TCF7L2: variants seen among roughly 807,000 people sequenced by gnomAD.
The protein encoded by TCF7L2 is transcription factor 7 like 2.
In TCF7L2, 23 loss-of-function variants were observed where a neutral mutation model predicts 77.9. That is an observed-to-expected ratio of 0.30 (90% CI 0.21 to 0.42). TCF7L2 has a LOEUF of 0.42. TCF7L2 is among the 10% of genes least tolerant of loss of function. TCF7L2 has a pLI of 1.00. For synonymous variants in TCF7L2, 413 were observed against 340.2 expected (o/e 1.21, Z -2.36); for missense variants, 654 against 793.1 (o/e 0.82, Z 2.11).
At chr10:112,983,650 A>G (rs908525220) in intron 4 of TCF7L2, among the ~76,000 whole-genome samples, 1 of 152,122 alleles carries the variant, frequency 6.6e-6, no homozygotes, top group Non-Finnish European at 1.5e-5. Context: ...ATAAGCGTGT[A>G]ACAGCCTCCA....
chr10:113,121,137 A>G (rs1234027417), intron 5 of TCF7L2, among the ~76,000 whole-genome samples: 3 of 152,342 alleles, frequency 2.0e-5, no homozygotes, highest in East Asian at 1.9e-4. Context: ...AGGAAGGGTA[A>G]TATGATTGGA....
chr10:113,074,215 A>G lies in TCF7L2; in HGVS notation c.552+34089A>G, dbSNP rs558566121. 9.9e-5 allele frequency among the ~76,000 whole-genome samples: 15 copies of G among 151,834 alleles called. No homozygotes were observed. The South Asian group carries it at 2.7e-3, about 27-fold the overall frequency. On this transcript the variant is annotated intron_variant, in intron 5 of 13. Transcript: ENST00000627217. ...CATTCTGGATTTGTGAATTAGATGG[A>G]CTCTTTATTATTTTGTATTTGGATT...
chr10:113,143,975 G>T lies in TCF7L2; in HGVS notation c.738G>T (p.Ser246=), dbSNP rs753698736. 1.2e-6 allele frequency: 2 copies of T among 1,614,002 alleles called. No individual in the cohort carries two copies. The highest frequency in any genetic ancestry group is 1.1e-5 in the South Asian group (1 of 91,074). Residue 246 remains serine, a synonymous_variant, in exon 7 of 14, where the codon TCG becomes TCT. Coordinates refer to ENST00000627217, the MANE Select transcript of TCF7L2 (RefSeq NM_001146274.2). ...ATATATCCCCGTATTACCCACTATC[G>T]CCTGGCACCGTAGGACAAATCCCCC...
At chr10:113,128,971 G>A (rs565104918) in intron 5 of TCF7L2, among the ~76,000 whole-genome samples, 2 of 151,950 alleles carry the variant, frequency 1.3e-5, no homozygotes, top group East Asian at 3.9e-4. Flanking sequence ...CTCTCTCTGT[G>A]TTCCTGGGGA....
At chr10:113,140,821 G>A (rs1348718136) in intron 5 of TCF7L2, among the ~76,000 whole-genome samples, 1 of 152,152 alleles carries the variant, frequency 6.6e-6, no homozygotes. Flanking sequence ...TGGGGTAGGA[G>A]GTCCCCACAA....
chr10:113,109,766 T>G (rs771311558), intron 5 of TCF7L2, among the ~76,000 whole-genome samples: 2 of 152,200 alleles, frequency 1.3e-5, no homozygotes, highest in Non-Finnish European at 2.9e-5. Flanking sequence ...GTTCAAGAGT[T>G]AGAAAGTGAA....
chr10:113,082,064 T>C (rs928711455), intron 5 of TCF7L2, among the ~76,000 whole-genome samples: 5 of 151,890 alleles, frequency 3.3e-5, no homozygotes, highest in Non-Finnish European at 7.4e-5. Flanking sequence ...TCTCGAACTC[T>C]TGACCTCAAG....
intron 4 of TCF7L2, among the ~76,000 whole-genome samples, chr10:113,036,372 C>T (rs568778802): frequency 7.2e-5 from 11 of 152,110 alleles, no homozygotes; most frequent in Admixed American, 5.9e-4. Flanking sequence ...CCTAAAGGAG[C>T]CTCTCCTCAT....
chr10:113,049,557 A>C (rs2054051385), intron 5 of TCF7L2, among the ~76,000 whole-genome samples: 1 of 152,032 alleles, frequency 6.6e-6, no homozygotes, highest in Non-Finnish European at 1.5e-5. Flanking sequence ...GGATGTGGCC[A>C]GAGTGTCTTT....
chr10:113,067,116 C>T (rs2057357355), intron 5 of TCF7L2, among the ~76,000 whole-genome samples: 1 of 152,192 alleles, frequency 6.6e-6, no homozygotes, highest in African/African-American at 2.4e-5. Flanking sequence ...TGCATTTCTG[C>T]TGTGAGTGGT....
At chr10:112,979,774 T>TA (rs970859998) in intron 4 of TCF7L2, among the ~76,000 whole-genome samples, 3 of 148,480 alleles carry the variant, frequency 2.0e-5, no homozygotes, top group Non-Finnish European at 4.5e-5. Context: ...ATAAAAAAAA[T>TA]AAAAAAAATA....
rs140739178 is a variant in TCF7L2, at chr10:113,016,614, G to A, written c.451-23411G>A. 1.4e-3 allele frequency among the ~76,000 whole-genome samples: 220 copies of A among 152,148 alleles called. 6 individuals are homozygous for A. In the East Asian group the frequency reaches 0.035, roughly 24 times the overall value. On this transcript the variant is annotated intron_variant, in intron 4 of 13. Transcript: ENST00000627217. ...CTGGAGACAGAGTGGGGAGCTCTCC[G>A]CTCTTTCCCTTCCTTCATCCCAGCT...
chr10:113,158,863 A>G, intron 12 of TCF7L2, 146 bp downstream of exon 13: 1 of 737,406 alleles, frequency 1.4e-6, no homozygotes, highest in African/African-American at 1.9e-5. Flanking sequence ...ATGTTTCAGT[A>G]GATTTTTTTT....
In TCF7L2 at chr10:113,047,908, C is replaced by T. The variant is rs569680359; in HGVS notation, c.552+7782C>T. Among the ~76,000 whole-genome samples the T allele has an allele frequency of 2.4e-3, 365 of 152,204 alleles. 1 individual carries two copies. The highest frequency in any genetic ancestry group is 3.0e-3 in the African/African-American group (123 of 41,520). On this transcript the variant is annotated intron_variant, in intron 5 of 13. Coordinates refer to ENST00000627217, the MANE Select transcript of TCF7L2 (RefSeq NM_001146274.2). ...GGGAAGAGTCTTTGGCAGCTCAGCTCGGGGCTAGCGTTTCCTGACATTTGT... is the reference window on the plus strand; with the variant it reads ...GGGAAGAGTCTTTGGCAGCTCAGCTTGGGGCTAGCGTTTCCTGACATTTGT...
At chr10:113,089,767 C>T (rs955902309) in intron 5 of TCF7L2, among the ~76,000 whole-genome samples, 3 of 152,128 alleles carry the variant, frequency 2.0e-5, no homozygotes, top group Non-Finnish European at 4.4e-5. Flanking sequence ...GGGTGGTGCT[C>T]GCATGACTCC....
chr10:113,007,917 A>G (rs570002482), intron 4 of TCF7L2, among the ~76,000 whole-genome samples: 8 of 152,116 alleles, frequency 5.3e-5, no homozygotes, highest in African/African-American at 1.4e-4. Context: ...TGATTTAGCG[A>G]GGTGTTTCTG....
At chr10:113,015,870 G>A (rs1473287326) in intron 4 of TCF7L2, among the ~76,000 whole-genome samples, 1 of 152,186 alleles carries the variant, frequency 6.6e-6, no homozygotes, top group Non-Finnish European at 1.5e-5. Context: ...TCAGATTGTG[G>A]ACAAGTGATG....
Position 113,151,210 on chromosome 10 carries a change from A to C in TCF7L2, c.1001+87A>C. The C allele has an allele frequency of 6.3e-7, 1 of 1,586,482 alleles. No homozygotes were observed. The highest frequency in any genetic ancestry group is 8.6e-7 in the Non-Finnish European group (1 of 1,163,312). ...CTGCTGGGTGGTGGCTTTCTGCCTA[A>C]GGTTGGCCTCGTTTGGTTTGACTGC... On this transcript the variant is annotated intron_variant, in intron 9 of 13. Coordinates refer to ENST00000627217, the MANE Select transcript of TCF7L2 (RefSeq NM_001146274.2). This position sits in a 1 kb window ranked among gnomAD's most constrained non-coding sequence, Gnocchi z 5.2.
At chr10:113,078,169 T>C (rs190982932) in intron 5 of TCF7L2, among the ~76,000 whole-genome samples, 340 of 152,294 alleles carry the variant, frequency 2.2e-3, no homozygotes, top group African/African-American at 7.5e-3. Context: ...TTGCTTTAAT[T>C]TTCCAAATGA....
Sources: gnomAD v4.1 joint callset for allele counts (sites outside exome capture counted in the v4.1 genomes callset) on GRCh38, gnomAD v4.1.1 for gene constraint, Gnocchi (gnomAD v3.1) non-coding constraint, MANE v1.5 for transcripts, NCBI Gene and HGNC (gene_info 2026-07-23, HGNC 2026-07-21) for gene names.